The following NDEL1 variants were observed in gnomAD, a reference collection of about 807,000 sequenced individuals.
The protein encoded by NDEL1 is nudE neurodevelopment protein 1 like 1.
In NDEL1, 9 loss-of-function variants were observed where a neutral mutation model predicts 45.7. The observed-to-expected ratio is 0.20, with a 90% confidence interval of 0.12 to 0.34. The LOEUF is 0.34. Among genes scored for constraint, NDEL1 ranks in the 10% least tolerant of loss-of-function variants. The probability of loss-of-function intolerance (pLI) is 1.00; values close to 1 mark genes in which losing one functional copy is unlikely to be tolerated. For missense variants in NDEL1, 306 were observed against 406.2 expected (o/e 0.75, Z 2.12); for synonymous variants, 133 against 158.6 (o/e 0.84, Z 1.21).
intron 8 of NDEL1, chr17:8,466,270 T>A (rs893767786): frequency 6.6e-6 from 1 of 152,174 alleles, no homozygotes; most frequent in African/African-American, 2.4e-5. Flanking sequence ...ATGATATATA[T>A]GATCCTATGT....
Position 8,442,759 on chromosome 17 carries a change from C to T in NDEL1, c.-12-1501C>T, listed in dbSNP as rs1909824797. 2.7e-5 allele frequency among the ~76,000 whole-genome samples: 4 copies of T among 148,466 alleles called. No homozygotes were observed. The South Asian group carries it at 8.6e-4, about 32-fold the overall frequency. ...ATAAACTCCAAGTTCTATGCATCTC[C>T]AGGTTTTTATTTATTTACTTTTTTT... On this transcript the variant is annotated intron_variant, in intron 1 of 8. Coordinates refer to ENST00000334527, the MANE Select transcript of NDEL1 (RefSeq NM_030808.5).
intron 1 of NDEL1, among the ~76,000 whole-genome samples, chr17:8,428,450 C>T (rs1294054161): frequency 2.7e-5 from 4 of 150,206 alleles, no homozygotes; most frequent in East Asian, 2.0e-4. Context: ...CTGCAACCTC[C>T]GCCTCCCAGG....
At position 8,417,183 on chromosome 17, in the gene NDEL1, C is replaced by T. The variant is rs146021379; in HGVS notation, c.-13+3914C>T. 4.7e-3 allele frequency among the ~76,000 whole-genome samples: 717 copies of T among 152,138 alleles called. 9 individuals carry two copies. Among genetic ancestry groups the T allele is most frequent in the African/African-American group, 0.017 (688 of 41,500 alleles). On this transcript the variant is annotated intron_variant, in intron 1 of 4. Transcript: ENST00000582812. ...CCAGGCTGGAGTACAACAGTGCAAT[C>T]TCGGCTCATTGCAACCTCTGCCTCC...
chr17:8,454,858 A>T lies in NDEL1; in HGVS notation c.763A>T (p.Ile255Phe). The T allele has an allele frequency of 6.2e-7, 1 of 1,613,840 alleles. No individual in the cohort carries two copies. Among genetic ancestry groups the T allele is most frequent in the Non-Finnish European group, 8.5e-7 (1 of 1,179,844 alleles). Residue 255 changes from isoleucine (I) to phenylalanine (F), a missense_variant, in exon 7 of 9, where the codon ATC becomes TTC. Transcript: ENST00000334527. ...CTCTGCTAGGATATCAGCACTAAAC[A>T]TCGTGGGGGATCTCTTACGGAAAGT... ...TPSARISALN[I>F]VGDLLRKVGA...
intron 8 of NDEL1, among the ~76,000 whole-genome samples, chr17:8,462,161 G>C (rs1911251454): frequency 6.6e-6 from 1 of 151,796 alleles, no homozygotes; most frequent in South Asian, 2.1e-4. Context: ...TACTTCCTGA[G>C]CTGAACCCGG....
intron 1 of NDEL1, among the ~76,000 whole-genome samples, chr17:8,420,131 ATGAATGC>A (rs768691490): frequency 4.6e-5 from 7 of 152,184 alleles, no homozygotes; most frequent in Non-Finnish European, 7.3e-5. Context: ...CTGAGGGTCT[ATGAATGC>A]TGACCTTGTC....
At chr17:8,452,154 A>G (rs1910544905) in intron 6 of NDEL1, among the ~76,000 whole-genome samples, 1 of 152,236 alleles carries the variant, frequency 6.6e-6, no homozygotes, top group South Asian at 2.1e-4. Flanking sequence ...AGTCATCAGG[A>G]GCCCTCACGG....
intron 6 of NDEL1, among the ~76,000 whole-genome samples, chr17:8,454,358 A>T (rs1001166095): frequency 3.9e-5 from 6 of 152,136 alleles, no homozygotes; most frequent in African/African-American, 1.4e-4. Context: ...ATAGAAACTA[A>T]AAAACGTGAC....
chr17:8,448,451 G>C, intron 4 of NDEL1, 99 bp from the exon 5 acceptor site: 1 of 1,304,602 alleles, frequency 7.7e-7, no homozygotes, highest in Non-Finnish European at 1.1e-6. Flanking sequence ...AGGCTGGCTA[G>C]GTCAGGAAAT....
chr17:8,458,168 C>T (rs1441994334), intron 7 of NDEL1, among the ~76,000 whole-genome samples: 2 of 151,934 alleles, frequency 1.3e-5, no homozygotes, highest in Admixed American at 1.3e-4. Context: ...TCAACACTGA[C>T]CGTTTTTTTT....
chr17:8,428,799 G>A lies in NDEL1; in HGVS notation c.-12-15461G>A, dbSNP rs575257624. Among the ~76,000 whole-genome samples, 384 of 152,024 alleles carry A rather than the reference G, an allele frequency of 2.5e-3. 1 individual carries two copies. The highest frequency in any genetic ancestry group is 3.3e-3 in the Non-Finnish European group (227 of 67,990). ...CACCATTCTCCTGCCTCAGCCTCCC[G>A]AGTAGCTGGGACTACGGGCTCCTGC... On this transcript the variant is annotated intron_variant, in intron 1 of 4. Coordinates refer to the NDEL1 transcript ENST00000582812.
At chr17:8,460,782 G>T (rs578231124) in intron 8 of NDEL1, among the ~76,000 whole-genome samples, 2 of 152,082 alleles carry the variant, frequency 1.3e-5, no homozygotes, top group Non-Finnish European at 2.9e-5. Context: ...TTATTCCAAG[G>T]CATGCCAAAT....
At position 8,458,745 on chromosome 17, in the gene NDEL1, G is replaced by C. The variant is rs575620152; in HGVS notation, c.793-1264G>C. Among the ~76,000 whole-genome samples, 23 of 151,582 alleles carry C rather than the reference G, an allele frequency of 1.5e-4. No homozygotes were observed. In the East Asian group the frequency reaches 3.7e-3, roughly 24 times the overall value. On this transcript the variant is annotated intron_variant, in intron 7 of 8. Transcript: ENST00000334527. The stretch of plus-strand genomic sequence containing the variant: ...GTTTTTGTTGCTGTTTCTTTTTTTT[G>C]AGACAGAGTCTCACTCTGTCGCCCA...
rs1911708937 is a variant in NDEL1, at chr17:8,467,818, T to C, written c.*795T>C. The C allele has an allele frequency of 6.5e-6, 1 of 152,678 alleles. No homozygotes were observed. Among genetic ancestry groups the C allele is most frequent in the Admixed American group, 6.5e-5 (1 of 15,288 alleles). 9.5% of individuals were successfully genotyped at this position (152,678 alleles called of 1,614,324 possible). ...TTTTCTCTTCCAAGGGCCGTCCCGTTGTGTTAGGAAGGGTGAGTGGCTGGT... is the reference window on the plus strand; with the variant it reads ...TTTTCTCTTCCAAGGGCCGTCCCGTCGTGTTAGGAAGGGTGAGTGGCTGGT... On this transcript the variant is annotated 3_prime_UTR_variant, in exon 9 of 9. Transcript: ENST00000334527. The surrounding 1 kb of genome is among the most constrained non-coding windows in gnomAD (Gnocchi z 6.3).
chr17:8,419,319 T>A (rs1195476776), intron 1 of NDEL1, among the ~76,000 whole-genome samples: 1 of 152,208 alleles, frequency 6.6e-6, no homozygotes, highest in Non-Finnish European at 1.5e-5. Flanking sequence ...AAAGAAAATA[T>A]GAATTACTCA....
chr17:8,427,497 T>A (rs1006145600), intron 1 of NDEL1, among the ~76,000 whole-genome samples: 1 of 152,090 alleles, frequency 6.6e-6, no homozygotes, highest in Non-Finnish European at 1.5e-5. Context: ...GGCCAGGAGT[T>A]CAAGACCTGT....
chr17:8,460,022 A>C lies in NDEL1; in HGVS notation c.806A>C (p.Lys269Thr). The C allele has an allele frequency of 1.2e-6, 2 of 1,613,214 alleles. No homozygotes were observed. The highest frequency in any genetic ancestry group is 1.7e-6 in the Non-Finnish European group (2 of 1,179,678). Reference protein sequence around the residue: ...LLRKVGALESKLAACRNFAKD... With the variant: ...LLRKVGALESTLAACRNFAKD... ...TCTTTTTTGTAGGCTTTAGAATCCA[A>C]ATTAGCAGCTTGCAGGAATTTTGCA... Residue 269 changes from lysine to threonine, a missense_variant, in exon 8 of 9, where the codon AAA becomes ACA. Physicochemically the swap from Lys to Thr is moderately conservative, Grantham distance 78. Transcript: ENST00000334527.
At chr17:8,454,043 A>G (rs150600893) in intron 6 of NDEL1, among the ~76,000 whole-genome samples, 30 of 152,344 alleles carry the variant, frequency 2.0e-4, no homozygotes, top group African/African-American at 5.8e-4. Context: ...TGTATCTTAT[A>G]GACAACTATA....
At chr17:8,459,313 C>G (rs1290790608) in intron 7 of NDEL1, among the ~76,000 whole-genome samples, 1 of 152,142 alleles carries the variant, frequency 6.6e-6, no homozygotes, top group Non-Finnish European at 1.5e-5. Context: ...CGCCTGATCT[C>G]TCCATGTCAT....
Sources: allele counts gnomAD v4.1 joint callset (sites outside exome capture counted in the v4.1 genomes callset), GRCh38; gene constraint gnomAD v4.1.1; non-coding constraint Gnocchi (gnomAD v3.1); transcripts MANE v1.5; gene names NCBI Gene and HGNC (gene_info 2026-07-23, HGNC 2026-07-21).